The following PPARGC1A variants were observed in gnomAD, a reference collection of about 807,000 sequenced individuals.
The protein encoded by PPARGC1A is PPARG coactivator 1 alpha.
Under a neutral mutation model 88.7 loss-of-function variants are expected in PPARGC1A, and 25 were observed. That is an observed-to-expected ratio of 0.28 (90% CI 0.21 to 0.39). PPARGC1A has a LOEUF of 0.39. Among genes scored for constraint, PPARGC1A ranks in the 10% least tolerant of loss-of-function variants. PPARGC1A has a pLI of 1.00. For synonymous variants in PPARGC1A, 363 were observed against 355.6 expected, an observed-to-expected ratio of 1.02 and a Z score of -0.24; for missense variants, 880 against 968.7, an observed-to-expected ratio of 0.91 and a Z score of 1.22.
chr4:24,086,677 T>C, the PPARGC1A span, among the ~76,000 whole-genome samples: 6 of 152,206 alleles, frequency 3.9e-5, no homozygotes, highest in Non-Finnish European at 7.3e-5. Flanking sequence ...TTCTTAAGTA[T>C]GGATGTGCTT....
the PPARGC1A span, among the ~76,000 whole-genome samples, chr4:24,165,437 A>T: frequency 6.6e-6 from 1 of 152,214 alleles, no homozygotes; most frequent in Non-Finnish European, 1.5e-5. Context: ...CATAAGCAAG[A>T]TACCAATGAC....
At chr4:24,434,297 C>T in the PPARGC1A span, among the ~76,000 whole-genome samples, 5 of 152,128 alleles carry the variant, frequency 3.3e-5, no homozygotes, top group Non-Finnish European at 5.9e-5. Flanking sequence ...AGATTTTTCA[C>T]GGAGGATTTG....
intron 12 of PPARGC1A, among the ~76,000 whole-genome samples, chr4:23,798,906 T>C (rs1171025374): frequency 6.6e-6 from 1 of 152,210 alleles, no homozygotes; most frequent in Non-Finnish European, 1.5e-5. Flanking sequence ...GCTGAAATCG[T>C]TATGTTTTGC....
chr4:24,346,828 T>C, the PPARGC1A span, among the ~76,000 whole-genome samples: 1 of 152,120 alleles, frequency 6.6e-6, no homozygotes, highest in Admixed American at 6.5e-5. Context: ...GTTTGGTTTG[T>C]TCTTGTTTCT....
the PPARGC1A span, among the ~76,000 whole-genome samples, chr4:24,142,300 T>G: frequency 6.6e-6 from 1 of 152,142 alleles, no homozygotes; most frequent in Non-Finnish European, 1.5e-5. Context: ...AAATGTATAT[T>G]ACATCAGAGG....
the PPARGC1A span, among the ~76,000 whole-genome samples, chr4:24,150,483 C>A: frequency 1.3e-5 from 2 of 152,108 alleles, no homozygotes; most frequent in Non-Finnish European, 1.5e-5. Context: ...TAGATTAAAC[C>A]TTCACATTAA....
the PPARGC1A span, among the ~76,000 whole-genome samples, chr4:24,044,008 A>T: frequency 6.6e-6 from 1 of 152,228 alleles, no homozygotes; most frequent in Non-Finnish European, 1.5e-5. Context: ...ATCCATGTAG[A>T]TCAATGTGGC....
At chr4:24,371,133 T>G in the PPARGC1A span, among the ~76,000 whole-genome samples, 1 of 152,150 alleles carries the variant, frequency 6.6e-6, no homozygotes, top group South Asian at 2.1e-4. Flanking sequence ...ATGGCTGCAT[T>G]GTATTCCATG....
chr4:24,369,399 G>A, the PPARGC1A span, among the ~76,000 whole-genome samples: 16 of 152,202 alleles, frequency 1.1e-4, 1 homozygote, highest in East Asian at 2.5e-3. Context: ...AATGGCATCC[G>A]AGACATGGAA....
chr4:23,982,858 TTTA>T, the PPARGC1A span, among the ~76,000 whole-genome samples: 125,637 of 151,588 alleles, frequency 0.83, 52,180 homozygotes, highest in Non-Finnish European at 0.84. Context: ...TACTTAATAT[TTTA>T]TTATTATTAT....
chr4:24,429,570 T>A, the PPARGC1A span, among the ~76,000 whole-genome samples: 2 of 151,582 alleles, frequency 1.3e-5, no homozygotes, highest in Non-Finnish European at 2.9e-5. Context: ...AGAAGGGGTT[T>A]GCCAACAGAA....
chr4:23,911,287 C>T, the PPARGC1A span, among the ~76,000 whole-genome samples: 2 of 152,166 alleles, frequency 1.3e-5, no homozygotes, highest in Non-Finnish European at 2.9e-5. Flanking sequence ...AAAATGATCA[C>T]CTTTGTCATC....
the PPARGC1A span, among the ~76,000 whole-genome samples, chr4:24,230,254 A>C: frequency 2.0e-5 from 3 of 152,176 alleles, no homozygotes; most frequent in Admixed American, 2.0e-4. Flanking sequence ...TTTTGGGATG[A>C]GAAGGATCAT....
chr4:24,319,478 G>A, the PPARGC1A span, among the ~76,000 whole-genome samples: 1 of 152,174 alleles, frequency 6.6e-6, no homozygotes, highest in Admixed American at 6.5e-5. Flanking sequence ...ATAAATGAGG[G>A]TTCATGAAAT....
the PPARGC1A span, among the ~76,000 whole-genome samples, chr4:24,074,009 C>G: frequency 6.6e-6 from 1 of 152,112 alleles, no homozygotes; most frequent in African/African-American, 2.4e-5. Context: ...CCTCCCCTTC[C>G]TCACCTGCGT....
At chr4:24,010,787 T>C in the PPARGC1A span, among the ~76,000 whole-genome samples, 2 of 152,210 alleles carry the variant, frequency 1.3e-5, no homozygotes, top group Non-Finnish European at 2.9e-5. Flanking sequence ...CTGAGCAGAC[T>C]ACATTCCTGT....
the PPARGC1A span, among the ~76,000 whole-genome samples, chr4:24,109,589 T>C: frequency 6.6e-6 from 1 of 152,204 alleles, no homozygotes; most frequent in Non-Finnish European, 1.5e-5. Flanking sequence ...TTACGGCATC[T>C]GAAATGTTAG....
the PPARGC1A span, among the ~76,000 whole-genome samples, chr4:24,128,898 G>A: frequency 2.0e-5 from 3 of 152,096 alleles, no homozygotes; most frequent in Non-Finnish European, 4.4e-5. Flanking sequence ...AATCAACGAA[G>A]CCTCACCAAA....
chr4:24,214,014 C>T, the PPARGC1A span, among the ~76,000 whole-genome samples: 1 of 152,146 alleles, frequency 6.6e-6, no homozygotes, highest in African/African-American at 2.4e-5. Context: ...GTTCACTGAG[C>T]GCTGTAGCGA....
Sources: allele counts gnomAD v4.1 joint callset (sites outside exome capture counted in the v4.1 genomes callset), GRCh38; gene constraint gnomAD v4.1.1; transcripts MANE v1.5; gene names NCBI Gene and HGNC (gene_info 2026-07-23, HGNC 2026-07-21).